The following FRMPD4 variants were observed in gnomAD, a reference collection of about 807,000 sequenced individuals.
FRMPD4 encodes FERM and PDZ domain containing 4.
A neutral mutation model predicts 94.1 loss-of-function variants in FRMPD4; 22 were observed. That is an observed-to-expected ratio of 0.23 (90% CI 0.17 to 0.33). FRMPD4 has a LOEUF of 0.33. Among genes scored for constraint, FRMPD4 ranks in the 10% least tolerant of loss-of-function variants. The pLI, the probability that FRMPD4 is intolerant of heterozygous loss-of-function variation, is 1.00. For missense variants in FRMPD4, 1,111 were observed against 1,339.9 expected (o/e 0.83, Z 2.67); for synonymous variants, 631 against 548.6 (o/e 1.15, Z -2.10).
At chrX:11,929,147 G>A (rs5935193) in intron 3 of FRMPD4, among the ~76,000 whole-genome samples, 39,859 of 110,788 alleles carry the variant, frequency 0.36, 5,622 homozygotes, top group East Asian at 0.82. Context: ...AAAATAACTA[G>A]TGGGTACTAG....
chrX:12,357,068 C>G (rs753983580), intron 1 of FRMPD4, among the ~76,000 whole-genome samples: 1 of 112,090 alleles, frequency 8.9e-6, no homozygotes, highest in East Asian at 2.8e-4. Context: ...ATCCATTTCT[C>G]CAATCCTGGC....
At chrX:12,227,750 A>G (rs1270724739) in intron 1 of FRMPD4, among the ~76,000 whole-genome samples, 6 of 110,245 alleles carry the variant, frequency 5.4e-5, no homozygotes, top group African/African-American at 2.0e-4. Flanking sequence ...GCAGTGAGCT[A>G]TGATTACACT....
At chrX:12,561,217 A>G (rs1184962778) in intron 2 of FRMPD4, among the ~76,000 whole-genome samples, 1 of 112,292 alleles carries the variant, frequency 8.9e-6, no homozygotes, top group African/African-American at 3.2e-5. Context: ...CACTTTTTCA[A>G]TCAATTGAGG....
chrX:12,012,566 C>T (rs777567721), intron 3 of FRMPD4, among the ~76,000 whole-genome samples: 1 of 111,652 alleles, frequency 9.0e-6, no homozygotes, highest in African/African-American at 3.3e-5. Flanking sequence ...ACTGGTTATA[C>T]CTACCATTCC....
intron 3 of FRMPD4, among the ~76,000 whole-genome samples, chrX:12,120,421 G>C (rs1371546212): frequency 1.8e-5 from 2 of 111,629 alleles, no homozygotes; most frequent in East Asian, 5.6e-4. Flanking sequence ...AGCTGGGCAG[G>C]GTGGCTCACA....
At chrX:12,715,593 A>G (rs1277750953) in intron 14 of FRMPD4, among the ~76,000 whole-genome samples, 1 of 112,478 alleles carries the variant, frequency 8.9e-6, no homozygotes, top group African/African-American at 3.2e-5. Context: ...TCTGAATTCA[A>G]TGAGGAAAAC....
intron 2 of FRMPD4, among the ~76,000 whole-genome samples, chrX:12,554,128 C>G: frequency 8.9e-6 from 1 of 112,091 alleles, no homozygotes; most frequent in South Asian, 3.7e-4. Flanking sequence ...TTACAAACAT[C>G]ATTGCCCTTG....
chrX:12,685,728 A>G (rs763889913), intron 6 of FRMPD4, among the ~76,000 whole-genome samples: 83 of 112,301 alleles, frequency 7.4e-4, no homozygotes, highest in African/African-American at 2.6e-3. Context: ...CTGCTAGGCA[A>G]CAACAGTACC....
intron 3 of FRMPD4, among the ~76,000 whole-genome samples, chrX:11,914,523 C>T (rs986138892): frequency 9.0e-6 from 1 of 111,558 alleles, no homozygotes; most frequent in Non-Finnish European, 1.9e-5. Context: ...GAATGAAACA[C>T]ATCCAAGGGC....
At chrX:12,439,557 CGTG>C in intron 1 of FRMPD4, among the ~76,000 whole-genome samples, 1 of 111,577 alleles carries the variant, frequency 9.0e-6, no homozygotes, top group South Asian at 3.8e-4. Context: ...AGCAAGAGCC[CGTG>C]GTGTTGTGCT....
intron 1 of FRMPD4, among the ~76,000 whole-genome samples, chrX:12,263,805 T>G (rs771519229): frequency 9.0e-6 from 1 of 111,021 alleles, no homozygotes; most frequent in South Asian, 3.9e-4. Flanking sequence ...AAAAAAAATT[T>G]TTCACAGCTC....
chrX:11,930,794 T>A (rs5979491), intron 3 of FRMPD4, among the ~76,000 whole-genome samples: 40,187 of 110,308 alleles, frequency 0.36, 5,700 homozygotes, highest in East Asian at 0.82. Context: ...TTAAGATTGA[T>A]CTGATATGGT....
At chrX:12,633,645 G>A (rs1405079890) in intron 4 of FRMPD4, among the ~76,000 whole-genome samples, 2 of 112,134 alleles carry the variant, frequency 1.8e-5, no homozygotes, top group Non-Finnish European at 3.8e-5. Flanking sequence ...TTGTACACAC[G>A]ACATAGTTTT....
chrX:12,465,865 A>G (rs979520399), intron 1 of FRMPD4, among the ~76,000 whole-genome samples: 1 of 112,157 alleles, frequency 8.9e-6, no homozygotes, highest in Non-Finnish European at 1.9e-5. Flanking sequence ...GTAATCTGCC[A>G]CATCTATTTG....
intron 3 of FRMPD4, among the ~76,000 whole-genome samples, chrX:12,047,416 A>T (rs1042723475): frequency 1.8e-5 from 2 of 111,930 alleles, no homozygotes; most frequent in Non-Finnish European, 3.8e-5. Flanking sequence ...TTATAACCCT[A>T]AATTCTTAGA....
intron 1 of FRMPD4, among the ~76,000 whole-genome samples, chrX:11,831,620 G>A (rs2053475595): frequency 9.0e-6 from 1 of 111,437 alleles, no homozygotes; most frequent in Admixed American, 9.6e-5. Flanking sequence ...AGATTACCCA[G>A]CAAAGATGTT....
intron 3 of FRMPD4, among the ~76,000 whole-genome samples, chrX:11,967,620 C>G (rs1030915948): frequency 9.0e-6 from 1 of 111,373 alleles, no homozygotes; most frequent in African/African-American, 3.3e-5. Context: ...CCCTCAGAAC[C>G]AAATACTGGT....
intron 1 of FRMPD4, among the ~76,000 whole-genome samples, chrX:11,831,660 G>A (rs908714104): frequency 1.8e-5 from 2 of 111,204 alleles, no homozygotes; most frequent in Non-Finnish European, 3.8e-5. Context: ...TAGGGATCGG[G>A]CTTTGGGAAA....
intron 1 of FRMPD4, among the ~76,000 whole-genome samples, chrX:11,848,059 A>T (rs773357412): frequency 7.3e-4 from 80 of 110,024 alleles, no homozygotes; most frequent in African/African-American, 2.5e-3. Context: ...AAAAATAAAT[A>T]AAAAAAAGAA....
Sources: gnomAD v4.1 joint callset for allele counts (sites outside exome capture counted in the v4.1 genomes callset) on GRCh38, gnomAD v4.1.1 for gene constraint, MANE v1.5 for transcripts, NCBI Gene and HGNC (gene_info 2026-07-23, HGNC 2026-07-21) for gene names.